DNAJB6: variants seen among roughly 807,000 people sequenced by gnomAD.
DNAJB6 encodes DnaJ heat shock protein family (Hsp40) member B6.
In DNAJB6, 16 loss-of-function variants were observed where a neutral mutation model predicts 42.7. The observed-to-expected ratio is 0.37, with a 90% CI of 0.25 to 0.57. The LOEUF (loss-of-function observed/expected upper bound fraction) is 0.57. Ranked by LOEUF, DNAJB6 falls within the 20% of genes least tolerant of loss-of-function variation. DNAJB6 has a pLI of 0.74. For missense variants in DNAJB6, 347 were observed against 416.8 expected (o/e 0.83, Z 1.46); for synonymous variants, 170 against 163.5 (o/e 1.04, Z -0.30).
At chr7:157,390,056 T>G (rs1400329586) in intron 8 of DNAJB6, among the ~76,000 whole-genome samples, 4 of 152,246 alleles carry the variant, frequency 2.6e-5, no homozygotes, top group Admixed American at 6.5e-5. Flanking sequence ...TTCTCGTCTG[T>G]CTGGCTGCTG....
chr7:157,369,482 C>T (rs531828842), intron 5 of DNAJB6: 85 of 452,572 alleles, frequency 1.9e-4, no homozygotes, highest in Admixed American at 3.3e-4. Flanking sequence ...CGAGGTGAAA[C>T]GGGCTGTCCT....
At chr7:157,355,189 T>G (rs973326172) in intron 1 of DNAJB6, among the ~76,000 whole-genome samples, 3 of 152,254 alleles carry the variant, frequency 2.0e-5, no homozygotes, top group Non-Finnish European at 2.9e-5. Flanking sequence ...GGAGTCTCAC[T>G]GTCGTCCAGG....
At chr7:157,351,159 C>G (rs571444438) in intron 1 of DNAJB6, among the ~76,000 whole-genome samples, 1 of 152,104 alleles carries the variant, frequency 6.6e-6, no homozygotes, top group South Asian at 2.1e-4. Context: ...GTCTCGAACT[C>G]TCTACCTCAG....
At chr7:157,341,272 C>T (rs894753879) in intron 1 of DNAJB6, among the ~76,000 whole-genome samples, 2 of 151,864 alleles carry the variant, frequency 1.3e-5, no homozygotes, top group Non-Finnish European at 2.9e-5. Flanking sequence ...TTACAGGCAC[C>T]TGCCACTGCT....
intron 5 of DNAJB6, among the ~76,000 whole-genome samples, chr7:157,371,316 T>C (rs181058116): frequency 6.0e-4 from 91 of 152,374 alleles, no homozygotes; most frequent in African/African-American, 2.1e-3. Context: ...CTGTAAGATA[T>C]TTCCGAGCTG....
intron 8 of DNAJB6, among the ~76,000 whole-genome samples, chr7:157,388,943 G>A (rs1189989689): frequency 6.6e-6 from 1 of 152,126 alleles, no homozygotes; most frequent in Non-Finnish European, 1.5e-5. Flanking sequence ...TTGGAAACTC[G>A]GGGTTTTAAA....
chr7:157,377,650 C>T (rs929316433), intron 5 of DNAJB6, among the ~76,000 whole-genome samples: 3 of 152,112 alleles, frequency 2.0e-5, no homozygotes, highest in Non-Finnish European at 4.4e-5. Context: ...GGTGATTGGT[C>T]GAGGCCCATC....
intron 9 of DNAJB6, chr7:157,410,387 C>T: frequency 5.2e-6 from 2 of 381,566 alleles, no homozygotes; most frequent in Non-Finnish European, 4.6e-6. Context: ...TCTGCGTTTG[C>T]CCCTGCCCCT....
intron 1 of DNAJB6, among the ~76,000 whole-genome samples, chr7:157,340,998 G>GTGTGTGTGTGTGCGCGCGCGCGCGCGCT (rs67210462): frequency 8.4e-4 from 113 of 135,034 alleles, no homozygotes; most frequent in Non-Finnish European, 1.6e-3. Context: ...GTGTGTGTGT[G>GTGTGTGTGTGTGCGCGCGCGCGCGCGCT]CGCGCGCGCA....
At chr7:157,381,990 T>C (rs1800803232) in intron 5 of DNAJB6, 2 of 314,646 alleles carry the variant, frequency 6.4e-6, no homozygotes, top group South Asian at 9.2e-5. Context: ...AATGTGTGTA[T>C]GTGCTGTTTT....
At chr7:157,347,225 A>G (rs1798734292) in intron 1 of DNAJB6, among the ~76,000 whole-genome samples, 3 of 152,234 alleles carry the variant, frequency 2.0e-5, no homozygotes, top group Admixed American at 6.5e-5. Flanking sequence ...TGTTAGTCTT[A>G]CTGGCATTTG....
chr7:157,410,427 C>G, intron 9 of DNAJB6: 1 of 320,280 alleles, frequency 3.1e-6, no homozygotes, highest in Non-Finnish European at 5.7e-6. Context: ...GTGCCTTCTT[C>G]TGCGCTGGGT....
chr7:157,384,887 C>G lies in DNAJB6; in HGVS notation c.499C>G (p.Leu167Val), dbSNP rs1241662438. The G allele has an allele frequency of 1.2e-6, 2 of 1,612,718 alleles. No homozygotes were observed. Among genetic ancestry groups the G allele is most frequent in the African/African-American group, 2.7e-5 (2 of 74,878 alleles). ...FDTGFTSFGSLGHGGLTSFSS... is the reference protein window; with the variant it reads ...FDTGFTSFGSVGHGGLTSFSS... ...TGTAGGATTTACTTCATTTGGGTCA[C>G]TAGGTCACGGGGGCCTCACTTCATT... The change falls in exon 7 of 10, where the codon CTA (leucine) becomes GTA (valine). Residue 167 changes from leucine to valine, a missense_variant. Around this residue, in one of 3 missense-constraint regions of DNAJB6, gnomAD observed 264 missense variants for 288.0 expected, o/e 0.92. Transcript: ENST00000262177.
At chr7:157,340,028 A>G (rs1584868841) in intron 1 of DNAJB6, 1 of 152,232 alleles carries the variant, frequency 6.6e-6, no homozygotes, top group Non-Finnish European at 1.5e-5. Context: ...GCGGGACCGC[A>G]CAGACACCTT....
At chr7:157,350,937 C>CTT (rs200395534) in intron 1 of DNAJB6, among the ~76,000 whole-genome samples, 2 of 127,822 alleles carry the variant, frequency 1.6e-5, no homozygotes, top group Non-Finnish European at 1.7e-5. Context: ...TTTGTCCAGT[C>CTT]TTTTTTTTTT....
chr7:157,414,038 G>A (rs1796045184), intron 9 of DNAJB6: 1 of 152,178 alleles, frequency 6.6e-6, no homozygotes, highest in Non-Finnish European at 1.5e-5. Context: ...GAGGCTTGAA[G>A]AACACCGGAA....
chr7:157,410,846 C>T (rs1055011815), intron 9 of DNAJB6: 2 of 152,230 alleles, frequency 1.3e-5, no homozygotes, highest in South Asian at 2.1e-4. Flanking sequence ...CTAAGCAGGA[C>T]ATGAAAAGAA....
chr7:157,359,191 A>G (rs930815018), intron 2 of DNAJB6, among the ~76,000 whole-genome samples: 1 of 152,218 alleles, frequency 6.6e-6, no homozygotes, highest in Non-Finnish European at 1.5e-5. Flanking sequence ...GTGAATGTAG[A>G]GTATACAGCA....
intron 1 of DNAJB6, among the ~76,000 whole-genome samples, chr7:157,348,668 A>C (rs972857758): frequency 3.3e-5 from 5 of 152,118 alleles, no homozygotes; most frequent in African/African-American, 7.2e-5. Context: ...ATCTTTCCAC[A>C]TACTCCTGTT....
Sources: allele counts gnomAD v4.1 joint callset (sites outside exome capture counted in the v4.1 genomes callset), GRCh38; gene constraint gnomAD v4.1.1; regional missense constraint gnomAD v4.1.1; transcripts MANE v1.5; gene names NCBI Gene and HGNC (gene_info 2026-07-23, HGNC 2026-07-21).